Variants in SLC9A8 observed in about 807,000 individuals in gnomAD.
SLC9A8 encodes the protein sodium/hydrogen exchanger 8.
A neutral mutation model predicts 66.6 loss-of-function variants in SLC9A8; 48 were observed. The observed-to-expected ratio is 0.72, with a 90% confidence interval of 0.57 to 0.92. SLC9A8 has a LOEUF of 0.92. SLC9A8 is among the 40% of genes least tolerant of loss of function. SLC9A8 has a pLI of 0.00. For synonymous variants in SLC9A8, 274 were observed against 282.6 expected (o/e 0.97, Z 0.31); for missense variants, 599 against 747.3 (o/e 0.80, Z 2.31).
chr20:49,886,597 CCCA>C lies in SLC9A8; in HGVS notation c.1492-154_1492-152del, dbSNP rs1568887430. ...GGACGTTCCTGCCTCCCTGCAGGCT[CCCA>C]GGAGGCCGTCTGCTGCCCGTCACCC... On this transcript the variant is annotated intron_variant, in intron 14 of 15. Transcript: ENST00000361573. This position sits in a 1 kb window ranked among gnomAD's most constrained non-coding sequence, Gnocchi z 4.8. 18 of 837,108 alleles carry C rather than the reference CCCA, an allele frequency of 2.2e-5. No homozygotes were observed. The highest frequency in any genetic ancestry group is 3.1e-5 in the Non-Finnish European group (17 of 547,492). 51.9% of individuals were successfully genotyped at this position (837,108 alleles called of 1,614,324 possible).
intron 10 of SLC9A8, among the ~76,000 whole-genome samples, chr20:49,866,211 T>C (rs995398661): frequency 6.6e-6 from 1 of 152,196 alleles, no homozygotes; most frequent in African/African-American, 2.4e-5. Flanking sequence ...TTGTGTCTCC[T>C]CTCTTTCAGT....
chr20:49,866,679 C>G (rs1268115348), intron 10 of SLC9A8, among the ~76,000 whole-genome samples: 1 of 152,118 alleles, frequency 6.6e-6, no homozygotes, highest in Non-Finnish European at 1.5e-5. Flanking sequence ...ATTTGGTAAG[C>G]TTTTGCCCAT....
chr20:49,850,944 CTGTG>C, intron 7 of SLC9A8, 100 bp downstream of exon 7: 2 of 743,596 alleles, frequency 2.7e-6, no homozygotes, highest in Non-Finnish European at 4.2e-6. Context: ...TATTCTCTCT[CTGTG>C]TATTTATTTT....
At chr20:49,813,253 C>T (rs1467957071) in intron 1 of SLC9A8, among the ~76,000 whole-genome samples, 1 of 152,256 alleles carries the variant, frequency 6.6e-6, no homozygotes, top group Non-Finnish European at 1.5e-5. Context: ...CTCATGGTTA[C>T]TGAGCCCTCT....
chr20:49,828,770 C>T (rs1328248589), intron 3 of SLC9A8, among the ~76,000 whole-genome samples: 4 of 151,574 alleles, frequency 2.6e-5, no homozygotes, highest in South Asian at 4.2e-4. Flanking sequence ...CTCCGGTAGA[C>T]GGAGGTTGCA....
At chr20:49,830,236 G>A in intron 3 of SLC9A8, 1 of 919,184 alleles carries the variant, frequency 1.1e-6, no homozygotes, top group East Asian at 2.4e-5. Context: ...AAAAAGATGG[G>A]ATTTGGGGGC....
In SLC9A8 at chr20:49,851,105, G is replaced by A. The variant is rs372641114; in HGVS notation, c.569+261G>A. 9.8e-4 allele frequency among the ~76,000 whole-genome samples: 149 copies of A among 152,310 alleles called. 1 individual carries two copies. Among genetic ancestry groups the A allele is most frequent in the African/African-American group, 3.6e-3 (148 of 41,562 alleles). Reference sequence around the variant, plus strand: ...TTTAAGCTTGGGAGGGAGTAACTCTGCTCAGCTAACTGCCCTGCCTGTGTG... The same window carrying A: ...TTTAAGCTTGGGAGGGAGTAACTCTACTCAGCTAACTGCCCTGCCTGTGTG... On this transcript the variant is annotated intron_variant, in intron 7 of 15. Coordinates refer to ENST00000361573, the MANE Select transcript of SLC9A8 (RefSeq NM_015266.3).
In SLC9A8 at chr20:49,883,851, C is replaced by T. The variant is rs112171239; in HGVS notation, c.1276C>T (p.Arg426Trp). The T allele has an allele frequency of 1.6e-5, 25 of 1,604,594 alleles. No individual in the cohort carries two copies. The highest frequency in any genetic ancestry group is 6.7e-5 in the Admixed American group (4 of 59,970). Residue 426 changes from arginine to tryptophan, a missense_variant, in exon 14 of 16, where the codon CGG (arginine) becomes TGG (tryptophan). By Grantham distance (101) the Arg-to-Trp change is moderately radical (BLOSUM62 -3). This residue lies in a region of SLC9A8 where 467 missense variants were observed against 626.5 expected (regional missense o/e 0.75). Transcript: ENST00000361573. ...CACTGTTTGCTGTCACCCAGGCCTG[C>T]GGGGAGCCATCCCCTATGCCCTGAG... ...MMFIMWFSGL[R>W]GAIPYALSLH...
intron 7 of SLC9A8, among the ~76,000 whole-genome samples, chr20:49,853,168 G>C (rs2088319445): frequency 1.3e-5 from 2 of 152,202 alleles, no homozygotes; most frequent in Non-Finnish European, 2.9e-5. Context: ...GGAGCCTGTG[G>C]TGGGCCTGCG....
chr20:49,885,031 C>T (rs1440422647), intron 14 of SLC9A8, among the ~76,000 whole-genome samples: 5 of 152,232 alleles, frequency 3.3e-5, no homozygotes, highest in Admixed American at 2.0e-4. Context: ...ACACTGGAGT[C>T]AGGGCTGGCA....
rs534195873 is a variant in SLC9A8, at chr20:49,825,377, A to T, written c.289+2236A>T. On this transcript the variant is annotated intron_variant, in intron 3 of 15. Coordinates refer to ENST00000361573, the MANE Select transcript of SLC9A8 (RefSeq NM_015266.3). ...ATAAATTGGCCAGGCGCGGTGGCTT[A>T]TGCCTGTAATTCTAGCACTTTGGGA... 2.6e-5 allele frequency among the ~76,000 whole-genome samples: 4 copies of T among 152,318 alleles called. No homozygotes were observed. The South Asian group carries it at 8.3e-4, about 32-fold the overall frequency.
chr20:49,830,795 C>T (rs185639413), intron 3 of SLC9A8: 321 of 988,026 alleles, frequency 3.2e-4, no homozygotes, highest in Middle Eastern at 7.2e-4. Context: ...AGGTGCTGAC[C>T]CTGGCCTAGG....
At chr20:49,816,829 C>T (rs550334909) in intron 2 of SLC9A8, among the ~76,000 whole-genome samples, 8 of 152,016 alleles carry the variant, frequency 5.3e-5, no homozygotes, top group African/African-American at 1.4e-4. Context: ...CCCGGGTTCA[C>T]GCCGTTCTCC....
chr20:49,865,599 G>C (rs918921463), intron 10 of SLC9A8, among the ~76,000 whole-genome samples: 7 of 152,258 alleles, frequency 4.6e-5, no homozygotes, highest in Middle Eastern at 3.4e-3. Flanking sequence ...GGCCCTAGAA[G>C]ATGATGCTCA....
At position 49,877,966 on chromosome 20, in the gene SLC9A8, T is replaced by C; in HGVS notation, c.1076-15T>C. On this transcript the variant is annotated splice_polypyrimidine_tract_variant and intron_variant, in intron 11 of 15. Transcript: ENST00000361573. ...ATCATTGGGGTTGAATAATCCATTC[T>C]TTGGTTTGTTTCAGAAACATGTGTG... The C allele has an allele frequency of 1.3e-6, 2 of 1,572,634 alleles. No individual in the cohort carries two copies. Among genetic ancestry groups the C allele is most frequent in the South Asian group, 1.2e-5 (1 of 83,862 alleles).
At chr20:49,887,087 G>A (rs1210269709) in intron 15 of SLC9A8, among the ~76,000 whole-genome samples, 189 bp downstream of exon 15, 8 of 152,174 alleles carry the variant, frequency 5.3e-5, no homozygotes, top group African/African-American at 1.9e-4. Flanking sequence ...TTTTTCCTTC[G>A]CTGCCACATT....
chr20:49,863,635 A>C (rs949377032), intron 9 of SLC9A8, among the ~76,000 whole-genome samples: 3 of 152,250 alleles, frequency 2.0e-5, no homozygotes, highest in Non-Finnish European at 4.4e-5. Flanking sequence ...AAGGATTGCA[A>C]AAGGGGCTTT....
Position 49,876,140 on chromosome 20 carries a change from G to A in SLC9A8, c.1075+1319G>A, listed in dbSNP as rs577345045. ...GCAGATAAGGAGGCTCAGGTGAGGAGTAGTCACATGACTTGCCCATGGTCT... is the reference window on the plus strand; with the variant it reads ...GCAGATAAGGAGGCTCAGGTGAGGAATAGTCACATGACTTGCCCATGGTCT... On this transcript the variant is annotated intron_variant, in intron 11 of 15. Coordinates refer to ENST00000361573, the MANE Select transcript of SLC9A8 (RefSeq NM_015266.3). 4.6e-5 allele frequency among the ~76,000 whole-genome samples: 7 copies of A among 152,302 alleles called. No individual in the cohort carries two copies. In the East Asian group the frequency reaches 1.4e-3, roughly 29 times the overall value.
At chr20:49,879,739 T>TG (rs1221273453) in intron 12 of SLC9A8, among the ~76,000 whole-genome samples, 1 of 151,304 alleles carries the variant, frequency 6.6e-6, no homozygotes, top group Non-Finnish European at 1.5e-5. Context: ...GCAGGACAAT[T>TG]GCTTGAACCC....
Sources: gnomAD v4.1 joint callset for allele counts (sites outside exome capture counted in the v4.1 genomes callset) on GRCh38, gnomAD v4.1.1 for gene constraint, gnomAD v4.1.1 regional missense constraint, Gnocchi (gnomAD v3.1) non-coding constraint, MANE v1.5 for transcripts, NCBI Gene and HGNC (gene_info 2026-07-23, HGNC 2026-07-21) for gene names.